The following MYO16 variants were observed in gnomAD, a reference collection of about 807,000 sequenced individuals.
MYO16 encodes the protein myosin XVI.
In MYO16, 94 loss-of-function variants were observed where a neutral mutation model predicts 205.3. That is an observed-to-expected ratio of 0.46 (90% CI 0.39 to 0.54). MYO16 has a LOEUF of 0.54. Ranked by LOEUF, MYO16 falls within the 20% of genes least tolerant of loss-of-function variation. MYO16 has a pLI of 0.00. For missense variants in MYO16, 2,315 were observed against 2,387.5 expected (o/e 0.97, Z 0.63); for synonymous variants, 988 against 954.0 (o/e 1.04, Z -0.66).
chr13:108,613,296 A>G (rs974246766), intron 1 of MYO16, among the ~76,000 whole-genome samples: 1 of 152,206 alleles, frequency 6.6e-6, no homozygotes, highest in Non-Finnish European at 1.5e-5. Flanking sequence ...GGAAATATGT[A>G]AATGACTGAT....
At chr13:109,023,347 A>G (rs1289802364) in intron 23 of MYO16, among the ~76,000 whole-genome samples, 1 of 74,196 alleles carries the variant, frequency 1.3e-5, no homozygotes, top group Non-Finnish European at 2.3e-5. Flanking sequence ...ATATATTTAT[A>G]TATTATACAG....
chr13:108,733,161 C>T (rs1278270545), intron 4 of MYO16, among the ~76,000 whole-genome samples: 4 of 152,136 alleles, frequency 2.6e-5, no homozygotes, highest in Non-Finnish European at 4.4e-5. Flanking sequence ...GAGGGGGCAT[C>T]GTCTACCTAA....
At chr13:108,866,389 TAATTC>T in intron 12 of MYO16, 147 bp downstream of exon 12, 1 of 464,238 alleles carries the variant, frequency 2.2e-6, no homozygotes, top group Non-Finnish European at 3.7e-6. Context: ...GCAGTGACTT[TAATTC>T]ATTTTGAGCA....
chr13:109,066,168 T>G (rs555956006), intron 27 of MYO16, among the ~76,000 whole-genome samples: 2 of 152,328 alleles, frequency 1.3e-5, no homozygotes, highest in African/African-American at 4.8e-5. Flanking sequence ...GGATTAAAGC[T>G]AACGGACAGT....
At position 109,119,173 on chromosome 13, in the gene MYO16, C is replaced by T. The variant is rs541400967; in HGVS notation, c.3439-1197C>T. 3.5e-4 allele frequency among the ~76,000 whole-genome samples: 54 copies of T among 152,288 alleles called. 1 individual carries two copies. The highest frequency in any genetic ancestry group is 1.3e-3 in the African/African-American group (53 of 41,548). On this transcript the variant is annotated intron_variant, in intron 28 of 34. Coordinates refer to ENST00000457511, the MANE Select transcript of MYO16 (RefSeq NM_001198950.3). ...TGGCTCATAAAACATCTCTGGCCAACCATTCTGAAGACAAGTCTGACCTAT... is the reference window on the plus strand; with the variant it reads ...TGGCTCATAAAACATCTCTGGCCAATCATTCTGAAGACAAGTCTGACCTAT...
intron 24 of MYO16, among the ~76,000 whole-genome samples, chr13:109,050,937 A>G (rs1007362358): frequency 2.0e-5 from 3 of 152,096 alleles, no homozygotes; most frequent in African/African-American, 7.2e-5. Context: ...CCTTGCCTCA[A>G]ATCTAGAATC....
Position 109,165,078 on chromosome 13 carries a change from C to G in MYO16, c.5323+19C>G, listed in dbSNP as rs2139877351. ...TCAAATGGTAAGCACTTTTTAAACT[C>G]AGAAGTAAATGTACAAAAGTTTTAG... On this transcript the variant is annotated intron_variant, in intron 33 of 34. Coordinates refer to ENST00000457511, the MANE Select transcript of MYO16 (RefSeq NM_001198950.3). 6.4e-7 allele frequency: 1 copy of G among 1,572,374 alleles called. No homozygotes were observed.
intron 10 of MYO16, among the ~76,000 whole-genome samples, chr13:108,852,670 G>T (rs394610): frequency 0.5 from 75,831 of 151,854 alleles, 19,432 homozygotes; most frequent in African/African-American, 0.61. Flanking sequence ...CATCCCTCCC[G>T]CCAACAGCTC....
the MYO16 span, among the ~76,000 whole-genome samples, chr13:108,548,613 T>A: frequency 6.6e-6 from 1 of 151,672 alleles, no homozygotes; most frequent in Non-Finnish European, 1.5e-5. Flanking sequence ...AAGATAATGG[T>A]GTGGATGATG....
intron 29 of MYO16, among the ~76,000 whole-genome samples, chr13:109,122,988 T>C (rs908317256): frequency 6.6e-6 from 1 of 152,228 alleles, no homozygotes. Flanking sequence ...GTTTTAAATT[T>C]AATCATTTTA....
At chr13:108,849,982 T>G (rs564696525) in intron 10 of MYO16, among the ~76,000 whole-genome samples, 11 of 151,580 alleles carry the variant, frequency 7.3e-5, no homozygotes, top group African/African-American at 2.7e-4. Flanking sequence ...TGTGTGTAAC[T>G]TATCCATACT....
chr13:109,137,181 G>A lies in MYO16; in HGVS notation c.4052-3083G>A, dbSNP rs566466590. 2.0e-5 allele frequency among the ~76,000 whole-genome samples: 3 copies of A among 152,318 alleles called. No homozygotes were observed. The South Asian group carries it at 6.2e-4, about 32-fold the overall frequency. The stretch of plus-strand genomic sequence containing the variant: ...GCCCACAGCATGGCTGCTTCAGGGT[G>A]TACAGGCCTGTACATGGAAGTCAGG... On this transcript the variant is annotated intron_variant, in intron 31 of 34. Coordinates refer to ENST00000457511, the MANE Select transcript of MYO16 (RefSeq NM_001198950.3).
At position 108,957,715 on chromosome 13, in the gene MYO16, T is replaced by C. The variant is rs769553234; in HGVS notation, c.1953T>C (p.Asp651=). 6 of 1,613,286 alleles carry C rather than the reference T, an allele frequency of 3.7e-6. No homozygotes were observed. In the East Asian group the frequency reaches 6.7e-5, roughly 18 times the overall value. ...ATTTGAACCAGACCATACAGGATGA[T>C]GCATCCACAGGGGAGCGTTCTCTGA... The part of the protein sequence containing the change: ...HRYLNQTIQD[D]ASTGERSLNR... The change falls in exon 17 of 35, where the codon GAT becomes GAC. Residue 651 remains aspartate (D), a synonymous_variant. Transcript: ENST00000457511.
At chr13:108,618,806 C>T (rs752088699) in intron 1 of MYO16, among the ~76,000 whole-genome samples, 45 of 152,164 alleles carry the variant, frequency 3.0e-4, no homozygotes, top group Non-Finnish European at 4.7e-4. Flanking sequence ...GTTAGGAACT[C>T]TGTCACTATT....
intron 1 of MYO16, among the ~76,000 whole-genome samples, chr13:108,657,780 AC>A (rs113478283): frequency 2.6e-5 from 4 of 152,068 alleles, no homozygotes; most frequent in African/African-American, 9.7e-5. Flanking sequence ...ATAATAACTG[AC>A]TTTTTTCCTC....
the MYO16 span, among the ~76,000 whole-genome samples, chr13:108,501,073 T>A: frequency 6.6e-6 from 1 of 152,220 alleles, no homozygotes; most frequent in Non-Finnish European, 1.5e-5. Flanking sequence ...ATCCAGATCA[T>A]CTTCCCCCAA....
chr13:109,128,399 G>A (rs1876366805), intron 31 of MYO16, among the ~76,000 whole-genome samples: 1 of 152,180 alleles, frequency 6.6e-6, no homozygotes, highest in Non-Finnish European at 1.5e-5. Flanking sequence ...AAATGAAACG[G>A]CTGGGTAGAA....
At chr13:108,683,503 T>C (rs1294290994) in intron 2 of MYO16, among the ~76,000 whole-genome samples, 1 of 152,234 alleles carries the variant, frequency 6.6e-6, no homozygotes, top group Non-Finnish European at 1.5e-5. Flanking sequence ...GGGAAATCTG[T>C]GTCTGATAAA....
chr13:108,828,677 T>C (rs577105490), intron 9 of MYO16, among the ~76,000 whole-genome samples: 1 of 152,218 alleles, frequency 6.6e-6, no homozygotes, highest in Admixed American at 6.5e-5. Context: ...AACCATGTGA[T>C]TAAAACCAGC....
Sources: gnomAD v4.1 joint callset for allele counts (sites outside exome capture counted in the v4.1 genomes callset) on GRCh38, gnomAD v4.1.1 for gene constraint, MANE v1.5 for transcripts, NCBI Gene and HGNC (gene_info 2026-07-23, HGNC 2026-07-21) for gene names.